Variants in ZIM2 observed in about 807,000 individuals in gnomAD.
ZIM2 encodes the protein zinc finger protein 656.
In ZIM2, 14 loss-of-function variants were observed where a neutral mutation model predicts 38.6. The ratio of observed to expected loss-of-function variants is 0.36; its 90% confidence interval spans 0.24 to 0.57. ZIM2 has a LOEUF of 0.57. Among genes scored for constraint, ZIM2 ranks in the 20% least tolerant of loss-of-function variants. The pLI, the probability that ZIM2 is intolerant of heterozygous loss-of-function variation, is 0.81. For synonymous variants in ZIM2, 247 were observed against 245.8 expected (o/e 1.00, Z -0.04); for missense variants, 680 against 695.1 (o/e 0.98, Z 0.24).
intron 9 of ZIM2, among the ~76,000 whole-genome samples, chr19:56,808,954 G>A (rs1394397352): frequency 1.3e-5 from 2 of 152,132 alleles, no homozygotes; most frequent in African/African-American, 4.8e-5. Context: ...GGGAACCTAT[G>A]GGCATCAATC....
In ZIM2 at chr19:56,779,458, T is replaced by G. The variant is rs751991428; in HGVS notation, c.754A>C (p.Lys252Gln). ...NLVSLGHQFS[K>Q]PDIISRLEEE... The stretch of plus-strand genomic sequence containing the variant: ...TCCAGGCGTGAGATAATGTCAGGTT[T>G]AGAGAACTGGTGCCCTGTTGGAGAG... Residue 252 changes from lysine (K) to glutamine (Q), a missense_variant, in exon 12 of 13, where the codon AAA becomes CAA. Coordinates refer to ENST00000629319, the MANE Select transcript of ZIM2 (RefSeq NM_001387356.1). The G allele has an allele frequency of 2.5e-6, 4 of 1,613,932 alleles. No individual in the cohort carries two copies. The highest frequency in any genetic ancestry group is 2.5e-6 in the Non-Finnish European group (3 of 1,179,898).
chr19:56,807,629 A>G (rs1438218462), intron 9 of ZIM2, among the ~76,000 whole-genome samples: 3 of 152,104 alleles, frequency 2.0e-5, no homozygotes, highest in Non-Finnish European at 2.9e-5. Context: ...TGTCTCTACA[A>G]AAAATTAAAA....
At position 56,803,383 on chromosome 19, in the gene ZIM2, C is replaced by T. The variant is rs76206909; in HGVS notation, c.491-13432G>A. ...ATGGTTCACTGGTAGGAGCAGCTAT[C>T]TGCAAGAGGAACAGAGGAGGGCAGA... On this transcript the variant is annotated intron_variant, in intron 9 of 12. Transcript: ENST00000629319. Among the ~76,000 whole-genome samples, 576 of 152,318 alleles carry T rather than the reference C, an allele frequency of 3.8e-3. 8 individuals carry two copies. The highest frequency in any genetic ancestry group is 0.01 in the Middle Eastern group (3 of 294).
intron 9 of ZIM2, chr19:56,813,664 AC>A: frequency 6.2e-7 from 1 of 1,607,020 alleles, no homozygotes. Flanking sequence ...TCTAACCTTT[AC>A]CCCATGCCCT....
intron 8 of ZIM2, among the ~76,000 whole-genome samples, chr19:56,818,111 C>T (rs932422508): frequency 1.5e-4 from 23 of 152,196 alleles, no homozygotes; most frequent in African/African-American, 5.6e-4. Flanking sequence ...TCTTCACCTT[C>T]TTGTAACCAC....
Position 56,774,548 on chromosome 19 carries a change from T to G in ZIM2, c.*140A>C, listed in dbSNP as rs1177187177. 2.3e-6 allele frequency: 2 copies of G among 883,210 alleles called. No individual in the cohort carries two copies. Among genetic ancestry groups the G allele is most frequent in the Non-Finnish European group, 3.0e-6 (2 of 672,482 alleles). The allele number at this position is 883,210 out of a possible 1,614,324, so 54.7% of individuals were successfully genotyped here. ...ATCCCCTCTTCGAAAAATTGCAACTTTTTTTTTTTTTTTACCACACTTTGA... is the reference window on the plus strand; with the variant it reads ...ATCCCCTCTTCGAAAAATTGCAACTGTTTTTTTTTTTTTACCACACTTTGA... On this transcript the variant is annotated 3_prime_UTR_variant, in exon 13 of 13. Transcript: ENST00000629319.
chr19:56,816,437 C>T (rs369947445), intron 9 of ZIM2: 1 of 1,614,064 alleles, frequency 6.2e-7, no homozygotes, highest in African/African-American at 1.3e-5. Flanking sequence ...AGGGACTGAC[C>T]AGGAATAAAG....
chr19:56,808,024 C>T (rs1219374259), intron 9 of ZIM2, among the ~76,000 whole-genome samples: 1 of 152,014 alleles, frequency 6.6e-6, no homozygotes, highest in Non-Finnish European at 1.5e-5. Context: ...CTCAGTGTGG[C>T]CATAAGAATG....
intron 3 of ZIM2, among the ~76,000 whole-genome samples, chr19:56,825,849 T>C (rs2060972323): frequency 6.6e-6 from 1 of 152,198 alleles, no homozygotes. Context: ...CTGAAGGTGT[T>C]TCCATTATTC....
In ZIM2 at chr19:56,810,383, A is replaced by C. The variant is rs942447814; in HGVS notation, c.490+7363T>G. ...AACAAAATAACCATAATCCCACAAC[A>C]ACCACACAACTATTTCTTGTTTTTC... On this transcript the variant is annotated intron_variant, in intron 9 of 12. Coordinates refer to ENST00000629319, the MANE Select transcript of ZIM2 (RefSeq NM_001387356.1). 49 of 985,410 alleles carry C rather than the reference A, an allele frequency of 5.0e-5. No individual in the cohort carries two copies. In the South Asian group the frequency reaches 7.0e-4, roughly 14 times the overall value. 61.0% of individuals were successfully genotyped at this position (985,410 alleles called of 1,614,324 possible).
intron 9 of ZIM2, chr19:56,817,418 G>C: frequency 1.9e-6 from 3 of 1,614,044 alleles, no homozygotes; most frequent in Non-Finnish European, 2.5e-6. Context: ...GACATTCTGG[G>C]GAATCTCTGT....
At chr19:56,830,935 T>C (rs1206773258) in intron 2 of ZIM2, among the ~76,000 whole-genome samples, 1 of 150,212 alleles carries the variant, frequency 6.7e-6, no homozygotes, top group African/African-American at 2.5e-5. Context: ...ACCAAAAAAA[T>C]AAAAAACAAT....
intron 8 of ZIM2, 111 bp from the exon 9 acceptor site, chr19:56,817,949 C>CAG: frequency 2.6e-6 from 2 of 765,780 alleles, no homozygotes; most frequent in Non-Finnish European, 2.2e-6. Flanking sequence ...TGGCCCACAT[C>CAG]TGATTCCTTG....
At chr19:56,794,890 CTGT>C (rs2047116033) in intron 9 of ZIM2, among the ~76,000 whole-genome samples, 1 of 152,214 alleles carries the variant, frequency 6.6e-6, no homozygotes, top group South Asian at 2.1e-4. Context: ...CCCTCAAAAT[CTGT>C]TGTCAATTAG....
rs200286549 is a variant in ZIM2 at position 56,817,304 on chromosome 19, T to C, written c.490+442A>G. On this transcript the variant is annotated intron_variant, in intron 9 of 12. Transcript: ENST00000629319. ...AGAACTCTCTTTCTGGAAACAAGGG[T>C]TGAATTAAACCTAAAGCCTCCCCTA... 1.8e-4 allele frequency: 297 copies of C among 1,613,962 alleles called. 1 individual carries two copies. The highest frequency in any genetic ancestry group is 3.1e-4 in the East Asian group (14 of 44,880).
At chr19:56,778,777 C>T (rs868195197) in intron 12 of ZIM2, among the ~76,000 whole-genome samples, 4 of 152,030 alleles carry the variant, frequency 2.6e-5, no homozygotes, top group Admixed American at 6.6e-5. Flanking sequence ...GTGATCCAGC[C>T]GCTGCACATG....
At chr19:56,824,466 G>C in intron 3 of ZIM2, 39 bp from the exon 4 acceptor site, 1 of 1,614,078 alleles carries the variant, frequency 6.2e-7, no homozygotes, top group Non-Finnish European at 8.5e-7. Flanking sequence ...AGTTTGATCA[G>C]GGTCTTCCGA....
In ZIM2 at chr19:56,824,363, A is replaced by T. The variant is rs1393216385; in HGVS notation, c.-86T>A. On this transcript the variant is annotated 5_prime_UTR_variant, in exon 4 of 13. Transcript: ENST00000629319. ...CACCCAAGGCTTGAGCTTTTCAGGG[A>T]TGATGGTCAGGTACTGCTCAAGGAC... The T allele has an allele frequency of 4.3e-6, 7 of 1,614,064 alleles. No homozygotes were observed. The highest frequency in any genetic ancestry group is 5.9e-6 in the Non-Finnish European group (7 of 1,180,016).
intron 9 of ZIM2, chr19:56,815,085 G>C: frequency 6.2e-7 from 1 of 1,613,820 alleles, no homozygotes; most frequent in Non-Finnish European, 8.5e-7. Flanking sequence ...TGAGGTCTGT[G>C]AGATCCACAA....
Sources: allele counts gnomAD v4.1 joint callset (sites outside exome capture counted in the v4.1 genomes callset), GRCh38; gene constraint gnomAD v4.1.1; transcripts MANE v1.5; gene names NCBI Gene and HGNC (gene_info 2026-07-23, HGNC 2026-07-21).